The following FGF14 variants were observed in gnomAD, a reference collection of about 807,000 sequenced individuals.
The protein encoded by FGF14 is fibroblast growth factor 14, also known as fibroblast growth factor homologous factor 4.
In FGF14, 5 loss-of-function variants were observed where a neutral mutation model predicts 25.5. That is an observed-to-expected ratio of 0.20 (90% confidence interval 0.10 to 0.41). FGF14 has a LOEUF of 0.41. Ranked by LOEUF, FGF14 falls within the 10% of genes least tolerant of loss-of-function variation. FGF14 has a pLI of 1.00. For missense variants in FGF14, 222 were observed against 320.1 expected, an observed-to-expected ratio of 0.69 and a Z score of 2.34; for synonymous variants, 138 against 118.3, an observed-to-expected ratio of 1.17 and a Z score of -1.08.
chr13:101,968,689 A>G (rs1297147700), intron 1 of FGF14, among the ~76,000 whole-genome samples: 1 of 151,638 alleles, frequency 6.6e-6, no homozygotes, highest in Non-Finnish European at 1.5e-5. Flanking sequence ...AAAAAAAAAA[A>G]ACCTCAATAT....
At chr13:101,845,527 C>T (rs1385685352) in intron 3 of FGF14, among the ~76,000 whole-genome samples, 2 of 151,802 alleles carry the variant, frequency 1.3e-5, no homozygotes, top group Non-Finnish European at 2.9e-5. Context: ...GGTGAAAGCA[C>T]AACATGGAGA....
intron 1 of FGF14, among the ~76,000 whole-genome samples, chr13:102,374,843 AG>A (rs1401399736): frequency 6.6e-6 from 1 of 151,604 alleles, no homozygotes; most frequent in Admixed American, 6.6e-5. Context: ...AGATATAGGT[AG>A]TTTATGCAAT....
intron 1 of FGF14, among the ~76,000 whole-genome samples, chr13:102,379,414 AC>A (rs2058125105): frequency 1.6e-5 from 1 of 61,650 alleles, no homozygotes; most frequent in Non-Finnish European, 2.8e-5. Context: ...ATATACACAT[AC>A]ACACACACAC....
chr13:101,785,544 A>G (rs972317910), intron 3 of FGF14, among the ~76,000 whole-genome samples: 1 of 152,104 alleles, frequency 6.6e-6, no homozygotes, highest in Admixed American at 6.6e-5. Context: ...TGATATTACT[A>G]ACTGGGTACT....
chr13:102,266,288 A>C (rs950547310), intron 1 of FGF14, among the ~76,000 whole-genome samples: 2 of 152,152 alleles, frequency 1.3e-5, no homozygotes, highest in African/African-American at 4.8e-5. Context: ...CCTGACACCA[A>C]AAAACTGCCA....
At chr13:102,078,195 T>C (rs2043450824) in intron 1 of FGF14, among the ~76,000 whole-genome samples, 1 of 152,076 alleles carries the variant, frequency 6.6e-6, no homozygotes, top group African/African-American at 2.4e-5. Context: ...ATAGAAAAAA[T>C]AAATTCAAGA....
chr13:102,010,428 T>C (rs1037142239), intron 1 of FGF14, among the ~76,000 whole-genome samples: 1 of 152,164 alleles, frequency 6.6e-6, no homozygotes, highest in African/African-American at 2.4e-5. Context: ...ATACCAGAAC[T>C]AATAACACAA....
At chr13:102,221,623 A>AC (rs1555381644) in intron 1 of FGF14, among the ~76,000 whole-genome samples, 133 of 150,110 alleles carry the variant, frequency 8.9e-4, no homozygotes, top group African/African-American at 3.1e-3. Flanking sequence ...CAAACACACA[A>AC]ACACACACAC....
intron 1 of FGF14, among the ~76,000 whole-genome samples, chr13:102,032,582 C>T (rs894690062): frequency 6.6e-6 from 1 of 152,056 alleles, no homozygotes; most frequent in Non-Finnish European, 1.5e-5. Flanking sequence ...CATTTTGTTG[C>T]ATGGTTGTAT....
intron 3 of FGF14, among the ~76,000 whole-genome samples, chr13:101,803,398 G>T (rs1190364093): frequency 1.3e-5 from 2 of 152,094 alleles, no homozygotes; most frequent in East Asian, 3.9e-4. Flanking sequence ...CCAAAGTGCT[G>T]GGATTACAGG....
chr13:102,047,595 C>G (rs796475706), intron 1 of FGF14, among the ~76,000 whole-genome samples: 1 of 152,018 alleles, frequency 6.6e-6, no homozygotes, highest in African/African-American at 2.4e-5. Context: ...AACCAAACAC[C>G]GCATATTCTC....
At chr13:102,007,746 G>A (rs1835637017) in intron 1 of FGF14, among the ~76,000 whole-genome samples, 2 of 152,090 alleles carry the variant, frequency 1.3e-5, no homozygotes, top group South Asian at 4.1e-4. Flanking sequence ...AATCACAGGG[G>A]GTTATTAACT....
intron 1 of FGF14, among the ~76,000 whole-genome samples, chr13:102,239,670 C>T (rs943264412): frequency 6.6e-6 from 1 of 152,098 alleles, no homozygotes; most frequent in Non-Finnish European, 1.5e-5. Flanking sequence ...ATTTCTGGAG[C>T]TCTGCAAATG....
intron 1 of FGF14, among the ~76,000 whole-genome samples, chr13:101,922,768 T>C (rs1336215490): frequency 1.3e-5 from 2 of 151,998 alleles, no homozygotes; most frequent in Non-Finnish European, 2.9e-5. Context: ...CTTTGTGGCA[T>C]ACATTGTTTG....
chr13:101,933,991 T>C (rs1831960542), intron 1 of FGF14, among the ~76,000 whole-genome samples: 2 of 152,184 alleles, frequency 1.3e-5, no homozygotes, highest in African/African-American at 4.8e-5. Flanking sequence ...ACAATTTCTT[T>C]TGGATTGTCC....
intron 1 of FGF14, among the ~76,000 whole-genome samples, chr13:102,143,037 GCCAA>G (rs1167128192): frequency 2.0e-5 from 3 of 152,046 alleles, no homozygotes; most frequent in Admixed American, 6.6e-5. Flanking sequence ...TCCTCCTGAT[GCCAA>G]CTTGAGATTC....
At chr13:102,047,139 A>G (rs559043905) in intron 1 of FGF14, among the ~76,000 whole-genome samples, 2 of 152,206 alleles carry the variant, frequency 1.3e-5, no homozygotes, top group Non-Finnish European at 2.9e-5. Flanking sequence ...TGTAGCCTAG[A>G]TAAGAGAACA....
intron 1 of FGF14, among the ~76,000 whole-genome samples, chr13:102,389,083 G>A (rs1394204470): frequency 6.6e-6 from 1 of 151,958 alleles, no homozygotes; most frequent in Non-Finnish European, 1.5e-5. Context: ...GTCAACTTAG[G>A]TCATGCTTCT....
intron 1 of FGF14, among the ~76,000 whole-genome samples, chr13:102,054,781 G>C (rs1421231293): frequency 6.6e-6 from 1 of 152,154 alleles, no homozygotes; most frequent in African/African-American, 2.4e-5. Context: ...CACAGAGCAA[G>C]GTGTTACTGC....
Sources: gnomAD v4.1 joint callset for allele counts (sites outside exome capture counted in the v4.1 genomes callset) on GRCh38, gnomAD v4.1.1 for gene constraint, MANE v1.5 for transcripts, NCBI Gene and HGNC (gene_info 2026-07-23, HGNC 2026-07-21) for gene names.